Variants in MARCHF8 observed in about 807,000 individuals in gnomAD.
The protein encoded by MARCHF8 is membrane associated ring-CH-type finger 8, also known as E3 ubiquitin-protein ligase MARCHF8.
Under a neutral mutation model 51.6 loss-of-function variants are expected in MARCHF8, and 40 were observed. The ratio of observed to expected loss-of-function variants is 0.77; its 90% CI spans 0.60 to 1.01. The LOEUF (loss-of-function observed/expected upper bound fraction) is 1.01, where lower values mean the gene tolerates loss of function less well. Ranked by LOEUF, MARCHF8 falls within the 50% of genes least tolerant of loss-of-function variation. The probability of loss-of-function intolerance (pLI) is 0.00; values close to 1 mark genes in which losing one functional copy is unlikely to be tolerated. For missense variants in MARCHF8, 685 were observed against 708.6 expected, an observed-to-expected ratio of 0.97 and a Z score of 0.38; for synonymous variants, 263 against 280.3, an observed-to-expected ratio of 0.94 and a Z score of 0.62.
chr10:45,513,397 G>T (rs1269243163), intron 2 of MARCHF8, among the ~76,000 whole-genome samples: 3 of 152,086 alleles, frequency 2.0e-5, no homozygotes, highest in African/African-American at 7.3e-5. Context: ...TACAGGTCCA[G>T]CCCCTGCGAA....
chr10:45,488,550 T>G (rs2043026024), intron 3 of MARCHF8, among the ~76,000 whole-genome samples: 1 of 152,118 alleles, frequency 6.6e-6, no homozygotes, highest in Non-Finnish European at 1.5e-5. Context: ...AGCAAACCGT[T>G]CATCATGAAT....
At chr10:45,556,660 G>A (rs576619058) in intron 1 of MARCHF8, among the ~76,000 whole-genome samples, 3 of 152,238 alleles carry the variant, frequency 2.0e-5, no homozygotes, top group South Asian at 4.1e-4. Flanking sequence ...CGGCTTCTCC[G>A]GTTCTTTCCA....
chr10:45,502,028 T>C (rs1031822810), intron 2 of MARCHF8, among the ~76,000 whole-genome samples: 1 of 152,180 alleles, frequency 6.6e-6, no homozygotes, highest in Admixed American at 6.5e-5. Flanking sequence ...ATCACTTATA[T>C]ATTGCTTGCA....
At position 45,535,281 on chromosome 10, in the gene MARCHF8, A is replaced by C. The variant is rs780431425; in HGVS notation, c.-149T>G. 4 of 152,210 alleles carry C rather than the reference A, an allele frequency of 2.6e-5. No homozygotes were observed. Among genetic ancestry groups the C allele is most frequent in the Non-Finnish European group, 5.9e-5 (4 of 68,048 alleles). The allele number at this position is 152,210 out of a possible 1,614,324, so 9.4% of individuals were successfully genotyped here. A position where few individuals can be genotyped will look rare whatever the true frequency, so the allele number is the denominator to read the frequency against. ...TAAGCAGTTTTTTCATCACTAATGC[A>C]CTAACGTCCTCTATTACAGATGACA... is the stretch of plus-strand genomic sequence containing the variant. On this transcript the variant is annotated 5_prime_UTR_variant, in exon 1 of 8. Transcript: ENST00000453424.
chr10:45,536,835 A>AAATAATAATAATAAT (rs60341718), upstream of MARCHF8, among the ~76,000 whole-genome samples: 43 of 134,824 alleles, frequency 3.2e-4, 1 homozygote, highest in East Asian at 4.2e-4. Flanking sequence ...ATCTCTACCA[A>AAATAATAATAATAAT]AATAATAATA....
intron 1 of MARCHF8, among the ~76,000 whole-genome samples, chr10:45,585,338 T>C (rs2044607050): frequency 1.3e-5 from 2 of 152,156 alleles, no homozygotes; most frequent in Admixed American, 6.5e-5. Context: ...AATCCAGTCA[T>C]TCATCAGTAC....
chr10:45,581,390 C>T (rs1325015024), intron 1 of MARCHF8, among the ~76,000 whole-genome samples: 1 of 152,076 alleles, frequency 6.6e-6, no homozygotes, highest in African/African-American at 2.4e-5. Flanking sequence ...GAACAAGACA[C>T]CCAGTGGTTA....
intron 5 of MARCHF8, among the ~76,000 whole-genome samples, chr10:45,462,949 G>C (rs1842840297): frequency 6.6e-6 from 1 of 152,162 alleles, no homozygotes; most frequent in Admixed American, 6.5e-5. Context: ...TTTATCATTT[G>C]TAAAACTATC....
At chr10:45,534,467 A>G (rs1011376304) in intron 1 of MARCHF8, among the ~76,000 whole-genome samples, 3 of 152,118 alleles carry the variant, frequency 2.0e-5, no homozygotes, top group Non-Finnish European at 2.9e-5. Context: ...TCTCTTACGC[A>G]TCCCCCAAAA....
At chr10:45,539,388 T>G (rs4949007), upstream of MARCHF8, among the ~76,000 whole-genome samples, 4 of 152,228 alleles carry the variant, frequency 2.6e-5, no homozygotes, top group South Asian at 4.1e-4. Flanking sequence ...AATTGACACC[T>G]TAACATCACA....
intron 3 of MARCHF8, among the ~76,000 whole-genome samples, chr10:45,487,880 T>TA (rs1353733089): frequency 6.6e-6 from 1 of 152,050 alleles, no homozygotes; most frequent in Non-Finnish European, 1.5e-5. Flanking sequence ...AGACAGCAGA[T>TA]AGACTTTGTC....
intron 1 of MARCHF8, among the ~76,000 whole-genome samples, chr10:45,563,854 C>T (rs1393958323): frequency 1.3e-5 from 2 of 152,116 alleles, no homozygotes; most frequent in African/African-American, 4.8e-5. Flanking sequence ...GTTAAGTAAG[C>T]ACCAGTCAAA....
chr10:45,518,021 A>T (rs1219097738), intron 2 of MARCHF8, among the ~76,000 whole-genome samples: 2 of 152,292 alleles, frequency 1.3e-5, no homozygotes, highest in East Asian at 1.9e-4. Context: ...TTAAAACTTA[A>T]TTTTTTTGCA....
chr10:45,575,625 G>GC (rs1466862882), intron 1 of MARCHF8, among the ~76,000 whole-genome samples: 1 of 151,888 alleles, frequency 6.6e-6, no homozygotes, highest in African/African-American at 2.4e-5. Flanking sequence ...ATCCATACCA[G>GC]CCCCAAAAAT....
chr10:45,555,950 T>C (rs1414256628), intron 1 of MARCHF8, among the ~76,000 whole-genome samples: 1 of 152,104 alleles, frequency 6.6e-6, no homozygotes, highest in East Asian at 1.9e-4. Flanking sequence ...AAGAGTCTTC[T>C]CTGTACTAGT....
chr10:45,561,983 T>C (rs2044316712), intron 1 of MARCHF8, among the ~76,000 whole-genome samples: 1 of 150,858 alleles, frequency 6.6e-6, no homozygotes, highest in African/African-American at 2.4e-5. Flanking sequence ...CAATAAAACA[T>C]TGCTTTCACA....
chr10:45,566,312 G>A (rs2044363374), intron 1 of MARCHF8, among the ~76,000 whole-genome samples: 2 of 152,154 alleles, frequency 1.3e-5, no homozygotes, highest in South Asian at 4.1e-4. Context: ...ATTTTAAAAT[G>A]TGCAATTATT....
chr10:45,522,582 T>C (rs2043725240), intron 2 of MARCHF8, among the ~76,000 whole-genome samples: 1 of 152,196 alleles, frequency 6.6e-6, no homozygotes, highest in Non-Finnish European at 1.5e-5. Context: ...ACATAAACAC[T>C]ACCTTAATCA....
At chr10:45,569,459 C>T (rs2044404444) in intron 1 of MARCHF8, among the ~76,000 whole-genome samples, 1 of 152,158 alleles carries the variant, frequency 6.6e-6, no homozygotes, top group Admixed American at 6.5e-5. Flanking sequence ...CCCACTTGGT[C>T]ATGTTGAATG....
Sources: allele counts gnomAD v4.1 joint callset (sites outside exome capture counted in the v4.1 genomes callset), GRCh38; gene constraint gnomAD v4.1.1; transcripts MANE v1.5; gene names NCBI Gene and HGNC (gene_info 2026-07-23, HGNC 2026-07-21).